The following FAM169A variants were observed in gnomAD, a reference collection of about 807,000 sequenced individuals.
FAM169A encodes soluble lamin-associated protein of 75 kDa.
A neutral mutation model predicts 75.7 loss-of-function variants in FAM169A; 24 were observed. The observed-to-expected ratio is 0.32, with a 90% CI of 0.23 to 0.45. The LOEUF (loss-of-function observed/expected upper bound fraction) is 0.45. Ranked by LOEUF, FAM169A falls within the 20% of genes least tolerant of loss-of-function variation. The probability of loss-of-function intolerance (pLI) is 1.00; values close to 1 mark genes in which losing one functional copy is unlikely to be tolerated. For missense variants in FAM169A, 673 were observed against 784.0 expected (o/e 0.86, Z 1.69); for synonymous variants, 271 against 271.0 (o/e 1.00, Z 0.00).
At chr5:74,782,902 T>G in intron 12 of FAM169A, 29 bp downstream of exon 12, 1 of 1,560,068 alleles carries the variant, frequency 6.4e-7, no homozygotes, top group Non-Finnish European at 8.8e-7. Flanking sequence ...TGGTAAACTT[T>G]ATTAAAAAAT....
At chr5:74,802,223 C>G (rs886548471) in intron 8 of FAM169A, among the ~76,000 whole-genome samples, 2 of 152,078 alleles carry the variant, frequency 1.3e-5, no homozygotes, top group African/African-American at 4.8e-5. Context: ...CTGTCCTGTC[C>G]TTTGTACTAC....
chr5:74,849,386 A>G (rs923816637), intron 1 of FAM169A, among the ~76,000 whole-genome samples: 1 of 152,138 alleles, frequency 6.6e-6, no homozygotes, highest in Non-Finnish European at 1.5e-5. Context: ...CTACATGTTC[A>G]GCTCGTAAGT....
At position 74,841,602 on chromosome 5, in the gene FAM169A, T is replaced by C. The variant is rs1748867835; in HGVS notation, c.75A>G (p.Ser25=). 1.2e-6 allele frequency: 2 copies of C among 1,613,058 alleles called. No individual in the cohort carries two copies. Among genetic ancestry groups the C allele is most frequent in the East Asian group, 2.2e-5 (1 of 44,852 alleles). Residue 25 remains serine (S), a synonymous_variant, in exon 2 of 13, where the codon TCA becomes TCG. Transcript: ENST00000687041. ...TTTCAGGGTCCCCACACCTTAAATC[T>C]GACATGTAATCTTCAGCAGAATTTT... ...ELENSAEDYM[S]DLRCGDPENP...
chr5:74,843,566 G>T (rs1020326561), intron 1 of FAM169A, among the ~76,000 whole-genome samples: 1 of 152,094 alleles, frequency 6.6e-6, no homozygotes, highest in Admixed American at 6.5e-5. Flanking sequence ...ATTTGGCGGG[G>T]AAAAGACTTT....
At chr5:74,850,219 C>T (rs573094016) in intron 1 of FAM169A, among the ~76,000 whole-genome samples, 23 of 152,310 alleles carry the variant, frequency 1.5e-4, no homozygotes, top group African/African-American at 5.5e-4. Context: ...CAAGGCCACA[C>T]TACTAGTAAG....
chr5:74,814,700 C>T (rs956885264), intron 5 of FAM169A, among the ~76,000 whole-genome samples: 1 of 152,078 alleles, frequency 6.6e-6, no homozygotes, highest in Admixed American at 6.5e-5. Context: ...TATCTCTCTC[C>T]TTATTATACA....
chr5:74,813,480 C>A (rs897689475), intron 6 of FAM169A, among the ~76,000 whole-genome samples: 1 of 152,018 alleles, frequency 6.6e-6, no homozygotes, highest in African/African-American at 2.4e-5. Context: ...GCACGTGCCA[C>A]CACGCCCAGT....
At chr5:74,832,069 T>C (rs929444232) in intron 5 of FAM169A, among the ~76,000 whole-genome samples, 1 of 152,094 alleles carries the variant, frequency 6.6e-6, no homozygotes, top group Non-Finnish European at 1.5e-5. Flanking sequence ...TTCCTTCAAC[T>C]GCAAAATAAA....
At chr5:74,817,968 G>A (rs986590452) in intron 5 of FAM169A, among the ~76,000 whole-genome samples, 3 of 152,124 alleles carry the variant, frequency 2.0e-5, no homozygotes, top group African/African-American at 7.2e-5. Context: ...AAATAATGAT[G>A]TCAGGTACCT....
intron 1 of FAM169A, among the ~76,000 whole-genome samples, chr5:74,851,540 T>G (rs1298403871): frequency 6.6e-6 from 1 of 152,194 alleles, no homozygotes; most frequent in African/African-American, 2.4e-5. Context: ...TGCTACTTAC[T>G]TGCCTCGAAA....
chr5:74,778,484 A>G lies in FAM169A; in HGVS notation c.*2976T>C, dbSNP rs1745233886. 1 of 152,028 alleles carries G rather than the reference A, an allele frequency of 6.6e-6. No homozygotes were observed. The highest frequency in any genetic ancestry group is 2.4e-5 in the African/African-American group (1 of 41,446). The allele number at this position is 152,028 out of a possible 1,614,324, so 9.4% of individuals were successfully genotyped here. On this transcript the variant is annotated 3_prime_UTR_variant, in exon 13 of 13. Coordinates refer to ENST00000687041, the MANE Select transcript of FAM169A (RefSeq NM_001376049.1). Reference sequence around the variant, plus strand: ...TAGTGTTCTGGAGTCTGCTATAAGTAAATCTTTAATGACTAGATGTTTTCC... The same window carrying G: ...TAGTGTTCTGGAGTCTGCTATAAGTGAATCTTTAATGACTAGATGTTTTCC...
At chr5:74,811,139 A>T (rs1408966474) in intron 6 of FAM169A, among the ~76,000 whole-genome samples, 2 of 152,064 alleles carry the variant, frequency 1.3e-5, no homozygotes, top group Non-Finnish European at 2.9e-5. Context: ...ATGTGCCACC[A>T]TGCCCAGCTA....
Position 74,781,751 on chromosome 5 carries a change from C to G in FAM169A, c.1722G>C (p.Glu574Asp), listed in dbSNP as rs777418837. ...TTSSLEDQGE[E>D]GVSEPQETST... Reference sequence around the variant, plus strand: ...ATGTTTCCTGGGGCTCAGATACCCCCTCCTCACCCTGGTCTTCCAATGAGG... The same window carrying G: ...ATGTTTCCTGGGGCTCAGATACCCCGTCCTCACCCTGGTCTTCCAATGAGG... The change falls in exon 13 of 13, where the codon GAG becomes GAC. Residue 574 changes from glutamate to aspartate, a missense_variant. Physicochemically the swap from Glu to Asp is conservative, Grantham distance 45. Transcript: ENST00000687041. 1 of 1,614,112 alleles carries G rather than the reference C, an allele frequency of 6.2e-7. No individual in the cohort carries two copies. Among genetic ancestry groups the G allele is most frequent in the Non-Finnish European group, 8.5e-7 (1 of 1,180,006 alleles).
intron 11 of FAM169A, among the ~76,000 whole-genome samples, chr5:74,786,244 T>C (rs1396818482): frequency 6.6e-5 from 10 of 152,194 alleles, no homozygotes; most frequent in Admixed American, 6.5e-4. Context: ...CAAGTTAATA[T>C]TCCTTAATAA....
chr5:74,791,520 C>T (rs1455492851), intron 11 of FAM169A, among the ~76,000 whole-genome samples: 2 of 152,204 alleles, frequency 1.3e-5, no homozygotes, highest in East Asian at 1.9e-4. Flanking sequence ...GCTCCTCCTA[C>T]CTTTAAGTCA....
chr5:74,862,189 G>A (rs1057343926), intron 1 of FAM169A, among the ~76,000 whole-genome samples: 5 of 152,096 alleles, frequency 3.3e-5, no homozygotes, highest in African/African-American at 9.7e-5. Flanking sequence ...ACTGCTATTG[G>A]AATGCTCTTC....
chr5:74,845,282 G>T (rs1749095469), intron 1 of FAM169A, among the ~76,000 whole-genome samples: 1 of 152,164 alleles, frequency 6.6e-6, no homozygotes, highest in Admixed American at 6.6e-5. Flanking sequence ...ACTTTGGGAG[G>T]CTGAGGTGGT....
chr5:74,809,360 C>T (rs528667687), intron 6 of FAM169A, among the ~76,000 whole-genome samples: 11 of 151,588 alleles, frequency 7.3e-5, no homozygotes, highest in African/African-American at 1.5e-4. Flanking sequence ...TTTGGGAGGC[C>T]GAGGTGGGCG....
chr5:74,813,050 A>C (rs1487937370), intron 6 of FAM169A, among the ~76,000 whole-genome samples: 1 of 152,244 alleles, frequency 6.6e-6, no homozygotes, highest in Non-Finnish European at 1.5e-5. Flanking sequence ...TGCTAAGTGA[A>C]AGAAGCCAGA....
Sources: gnomAD v4.1 joint callset for allele counts (sites outside exome capture counted in the v4.1 genomes callset) on GRCh38, gnomAD v4.1.1 for gene constraint, MANE v1.5 for transcripts, NCBI Gene and HGNC (gene_info 2026-07-23, HGNC 2026-07-21) for gene names.